SRGAP2B: variants seen among roughly 807,000 people sequenced by gnomAD.
SRGAP2B encodes the protein SLIT-ROBO Rho GTPase-activating protein 2B.
SRGAP2B carries 9 observed loss-of-function variants against 22.2 expected under a neutral mutation model. That is an observed-to-expected ratio of 0.41 (90% CI 0.24 to 0.71). SRGAP2B has a LOEUF of 0.71. SRGAP2B is among the 30% of genes least tolerant of loss of function. SRGAP2B has a pLI of 0.35. For missense variants in SRGAP2B, 114 were observed against 235.8 expected, an observed-to-expected ratio of 0.48 and a Z score of 3.38; for synonymous variants, 36 against 87.4, an observed-to-expected ratio of 0.41 and a Z score of 3.28.
chr1:145,025,917 G>A (rs1647676053), intron 2 of SRGAP2B, among the ~76,000 whole-genome samples: 1 of 150,492 alleles, frequency 6.6e-6, no homozygotes, highest in Non-Finnish European at 1.5e-5. Context: ...TAACGCAATG[G>A]TCTGGGGGTA....
At chr1:144,967,617 C>A (rs1668184876) in intron 3 of SRGAP2B, among the ~76,000 whole-genome samples, 1 of 135,038 alleles carries the variant, frequency 7.4e-6, no homozygotes, top group Non-Finnish European at 1.6e-5. Context: ...CAAAAGCTAG[C>A]AGAAGGCAAG....
At chr1:144,904,347 A>G (rs1293688940) in intron 7 of SRGAP2B, among the ~76,000 whole-genome samples, 4 of 101,492 alleles carry the variant, frequency 3.9e-5, no homozygotes, top group Non-Finnish European at 7.6e-5. Context: ...TCTTTAGTTA[A>G]GTTCTTGCCA....
intron 3 of SRGAP2B, among the ~76,000 whole-genome samples, chr1:144,957,999 A>G (rs1192941306): frequency 6.7e-6 from 1 of 149,852 alleles, no homozygotes; most frequent in African/African-American, 2.5e-5. Context: ...TAATGCCACA[A>G]TTCAATTCCA....
chr1:144,918,043 CTG>C (rs1663996253), intron 4 of SRGAP2B: 1 of 71,520 alleles, frequency 1.4e-5, no homozygotes, highest in African/African-American at 7.0e-5. Context: ...ACAATGAAGA[CTG>C]TAGAGCTTTT....
Position 144,976,772 on chromosome 1 carries a change from C to A in SRGAP2B, c.260+18236G>T, listed in dbSNP as rs1160454529. 4.9e-5 allele frequency among the ~76,000 whole-genome samples: 4 copies of A among 81,234 alleles called. No homozygotes were observed. In the East Asian group the frequency reaches 1.5e-3, roughly 30 times the overall value. 53.3% of individuals were successfully genotyped at this position (81,234 alleles called of 152,430 possible). Reference sequence around the variant, plus strand: ...AAATAAAGATGGTAAAGGATTATAACCTGTTGAATAAAATAATAATCCACA... The same window carrying A: ...AAATAAAGATGGTAAAGGATTATAAACTGTTGAATAAAATAATAATCCACA... On this transcript the variant is annotated intron_variant, in intron 3 of 9. Coordinates refer to ENST00000612199, the Ensembl canonical transcript of SRGAP2B.
At chr1:144,892,581 C>T (rs1443299970) in intron 9 of SRGAP2B, among the ~76,000 whole-genome samples, 200 bp from the exon 10 acceptor site, 1 of 150,444 alleles carries the variant, frequency 6.6e-6, no homozygotes, top group African/African-American at 2.5e-5. Flanking sequence ...ACAGTGAAAA[C>T]CTAAAAGCCA....
At chr1:145,047,180 A>G (rs1649889367) in intron 2 of SRGAP2B, among the ~76,000 whole-genome samples, 2 of 63,420 alleles carry the variant, frequency 3.2e-5, no homozygotes, top group Non-Finnish European at 5.8e-5. Context: ...TGTCTCAAAA[A>G]AAAAAAAAAA....
intron 2 of SRGAP2B, among the ~76,000 whole-genome samples, chr1:145,013,481 T>G (rs1446260741): frequency 1.3e-4 from 19 of 150,024 alleles, no homozygotes; most frequent in Non-Finnish European, 7.4e-5. Context: ...CTGTCTCAGG[T>G]ATAATCTGCA....
chr1:144,970,982 T>C (rs1297897491), intron 3 of SRGAP2B, among the ~76,000 whole-genome samples: 1 of 150,220 alleles, frequency 6.7e-6, no homozygotes, highest in Non-Finnish European at 1.5e-5. Context: ...CAACTATCAT[T>C]ACTCAACAGC....
At chr1:145,057,194 AG>A (rs1650491877) in intron 2 of SRGAP2B, among the ~76,000 whole-genome samples, 1 of 148,298 alleles carries the variant, frequency 6.7e-6, no homozygotes, top group South Asian at 2.2e-4. Flanking sequence ...GCTTTGGGAA[AG>A]GGCAGCACAG....
At chr1:145,020,878 C>A (rs1553623938) in intron 2 of SRGAP2B, among the ~76,000 whole-genome samples, 1 of 149,946 alleles carries the variant, frequency 6.7e-6, no homozygotes, top group East Asian at 1.9e-4. Flanking sequence ...TGGCTCACTG[C>A]AAACCCTGAC....
intron 2 of SRGAP2B, among the ~76,000 whole-genome samples, chr1:145,011,058 TAA>T (rs1672017075): frequency 1.7e-5 from 1 of 59,162 alleles, no homozygotes; most frequent in Non-Finnish European, 3.2e-5. Context: ...CTCTTTACAT[TAA>T]GACTCAAAAT....
At chr1:144,997,487 T>TA in intron 2 of SRGAP2B, among the ~76,000 whole-genome samples, 1 of 149,882 alleles carries the variant, frequency 6.7e-6, no homozygotes, top group East Asian at 2.0e-4. Context: ...GCTTTCCAGG[T>TA]ACTGAATCAG....
At chr1:144,940,457 A>G (rs1665940201) in intron 4 of SRGAP2B, among the ~76,000 whole-genome samples, 2 of 150,240 alleles carry the variant, frequency 1.3e-5, no homozygotes, top group Admixed American at 1.3e-4. Context: ...AGACAACGAG[A>G]TTTTTAATTG....
exon 4 of SRGAP2B, chr1:144,955,581 G>A (rs782819536): frequency 1.1e-6 from 1 of 897,260 alleles, no homozygotes; most frequent in Non-Finnish European, 1.8e-6. Context: ...GTTGACTGGA[G>A]AGAGAACATT....
chr1:144,972,033 G>GA (rs1553613378), intron 3 of SRGAP2B, among the ~76,000 whole-genome samples: 1 of 150,424 alleles, frequency 6.6e-6, no homozygotes, highest in African/African-American at 2.5e-5. Flanking sequence ...CACATAACAG[G>GA]AATACCAAGG....
At chr1:144,958,592 A>C in intron 3 of SRGAP2B, among the ~76,000 whole-genome samples, 2 of 131,730 alleles carry the variant, frequency 1.5e-5, no homozygotes, top group East Asian at 4.1e-4. Context: ...CCGGAGGCAG[A>C]GGTTGCAGTG....
intron 3 of SRGAP2B, among the ~76,000 whole-genome samples, chr1:144,965,293 G>C (rs1667994107): frequency 1.4e-5 from 2 of 147,362 alleles, no homozygotes; most frequent in African/African-American, 5.3e-5. Context: ...CTGGAGATCT[G>C]AGAACGGGCA....
intron 4 of SRGAP2B, among the ~76,000 whole-genome samples, chr1:144,925,770 A>AGAAAGAAAGAAAGAAAGAAG: frequency 6.9e-6 from 1 of 144,520 alleles, no homozygotes; most frequent in Admixed American, 6.8e-5. Context: ...AAAGAAAGAA[A>AGAAAGAAAGAAAGAAAGAAG]GAAAGAAAGA....
Sources: allele counts gnomAD v4.1 joint callset (sites outside exome capture counted in the v4.1 genomes callset), GRCh38; gene constraint gnomAD v4.1.1; transcripts MANE v1.5; gene names NCBI Gene and HGNC (gene_info 2026-07-23, HGNC 2026-07-21).